The following CDC14A variants were observed in gnomAD, a reference collection of about 807,000 sequenced individuals.
CDC14A encodes cell division cycle 14A.
CDC14A carries 53 observed loss-of-function variants against 74.4 expected under a neutral mutation model. That is an observed-to-expected ratio of 0.71 (90% confidence interval 0.57 to 0.89). The LOEUF (loss-of-function observed/expected upper bound fraction) is 0.89, where lower values mean the gene tolerates loss of function less well. CDC14A is among the 40% of genes least tolerant of loss of function. CDC14A has a pLI of 0.00. For missense variants in CDC14A, 646 were observed against 713.7 expected, an observed-to-expected ratio of 0.91 and a Z score of 1.08; for synonymous variants, 247 against 258.4, an observed-to-expected ratio of 0.96 and a Z score of 0.43.
intron 6 of CDC14A, among the ~76,000 whole-genome samples, chr1:100,441,558 T>G (rs1379114909): frequency 1.8e-4 from 27 of 152,142 alleles, no homozygotes; most frequent in Admixed American, 1.8e-3. Flanking sequence ...GCAAACCCTT[T>G]GAAAATACAG....
intron 1 of CDC14A, 118 bp downstream of exon 1, chr1:100,353,121 T>G: frequency 2.8e-6 from 3 of 1,063,510 alleles, no homozygotes; most frequent in Non-Finnish European, 4.3e-6. Flanking sequence ...CTGCGCGCGC[T>G]CTCGTCCCCT....
At chr1:100,471,151 AG>A (rs1668358477) in intron 10 of CDC14A, among the ~76,000 whole-genome samples, 1 of 152,050 alleles carries the variant, frequency 6.6e-6, no homozygotes, top group Non-Finnish European at 1.5e-5. Context: ...TTATTGTAAG[AG>A]GAAAAAAAAA....
intron 2 of CDC14A, among the ~76,000 whole-genome samples, chr1:100,360,393 G>C (rs1314623249): frequency 6.6e-6 from 1 of 151,462 alleles, no homozygotes; most frequent in Non-Finnish European, 1.5e-5. Context: ...ACCCAGACTG[G>C]AGTGCAGTGG....
chr1:100,505,553 A>G (rs1649159801), intron 15 of CDC14A, among the ~76,000 whole-genome samples: 1 of 152,196 alleles, frequency 6.6e-6, no homozygotes, highest in Non-Finnish European at 1.5e-5. Flanking sequence ...GTTCATTTGT[A>G]CTTTGGGATA....
intron 2 of CDC14A, among the ~76,000 whole-genome samples, chr1:100,369,018 C>T (rs1385848224): frequency 6.6e-6 from 1 of 151,484 alleles, no homozygotes; most frequent in Non-Finnish European, 1.5e-5. Context: ...AACTGCTTTT[C>T]ACAGTGGCTG....
At chr1:100,497,953 C>T (rs538015272) in intron 13 of CDC14A, 132 bp from the exon 14 acceptor site, 30 of 871,568 alleles carry the variant, frequency 3.4e-5, no homozygotes, top group South Asian at 2.5e-4. Context: ...TGGTGGCTGC[C>T]GCTGCTGTCA....
At chr1:100,400,413 A>G (rs539103844) in intron 4 of CDC14A, among the ~76,000 whole-genome samples, 2 of 152,316 alleles carry the variant, frequency 1.3e-5, no homozygotes, top group Admixed American at 1.3e-4. Flanking sequence ...AACCAATAAT[A>G]TATTAGATGT....
rs923958117 is a variant in CDC14A, at chr1:100,508,285, G to C, written c.1755+9023G>C. 6.6e-6 allele frequency among the ~76,000 whole-genome samples: 1 copy of C among 151,166 alleles called. No individual in the cohort carries two copies. Among genetic ancestry groups the C allele is most frequent in the African/African-American group, 2.4e-5 (1 of 41,180 alleles). ...CTTCTTATTCTTTTTATATGTGTGT[G>C]TATATATATAGATATATATATATAT... On this transcript the variant is annotated intron_variant, in intron 15 of 15. Transcript: ENST00000336454. The surrounding 1 kb of genome is among the most constrained non-coding windows in gnomAD (Gnocchi z 4.4).
At chr1:100,413,750 C>G (rs1475466858) in intron 4 of CDC14A, among the ~76,000 whole-genome samples, 1 of 152,170 alleles carries the variant, frequency 6.6e-6, no homozygotes, top group Non-Finnish European at 1.5e-5. Flanking sequence ...AGAAAATTTC[C>G]TCTCATATTT....
chr1:100,364,311 G>A (rs913526027), intron 2 of CDC14A, among the ~76,000 whole-genome samples: 3 of 148,382 alleles, frequency 2.0e-5, no homozygotes, highest in East Asian at 1.9e-4. Context: ...AGGTTCAAGC[G>A]ATTCTCTTGC....
intron 7 of CDC14A, among the ~76,000 whole-genome samples, chr1:100,444,648 C>T (rs1665332297): frequency 6.6e-6 from 1 of 152,192 alleles, no homozygotes; most frequent in African/African-American, 2.4e-5. Context: ...CCCGCTCCTC[C>T]ATTTCGTTTG....
chr1:100,449,645 G>A (rs1465954796), intron 7 of CDC14A, among the ~76,000 whole-genome samples: 1 of 152,192 alleles, frequency 6.6e-6, no homozygotes, highest in Non-Finnish European at 1.5e-5. Flanking sequence ...GTAGCCTTGT[G>A]TGGTACTCTG....
chr1:100,358,566 A>T (rs1303083665), intron 2 of CDC14A, among the ~76,000 whole-genome samples: 1 of 152,226 alleles, frequency 6.6e-6, no homozygotes, highest in Non-Finnish European at 1.5e-5. Flanking sequence ...CTAGGGACTG[A>T]ATTTTAAGCA....
At chr1:100,461,339 A>G (rs1422280226) in intron 8 of CDC14A, among the ~76,000 whole-genome samples, 1 of 152,218 alleles carries the variant, frequency 6.6e-6, no homozygotes, top group Non-Finnish European at 1.5e-5. Context: ...CACAGAGCAT[A>G]AGAGTCGGCT....
intron 15 of CDC14A, among the ~76,000 whole-genome samples, chr1:100,513,968 C>T (rs1328390840): frequency 6.6e-6 from 1 of 152,076 alleles, no homozygotes; most frequent in South Asian, 2.1e-4. Flanking sequence ...TTGAATATTG[C>T]TACATTATTA....
intron 3 of CDC14A, chr1:100,383,450 A>G (rs1404419806): frequency 1.3e-5 from 2 of 152,598 alleles, no homozygotes; most frequent in South Asian, 2.1e-4. Flanking sequence ...CATAAACCAT[A>G]TTTTGTTTTG....
intron 4 of CDC14A, among the ~76,000 whole-genome samples, chr1:100,421,080 A>G (rs1662310244): frequency 6.6e-6 from 1 of 152,160 alleles, no homozygotes; most frequent in Non-Finnish European, 1.5e-5. Flanking sequence ...TCGTGCATGT[A>G]CCACCCACTA....
chr1:100,362,772 C>T (rs1652935162), intron 2 of CDC14A, among the ~76,000 whole-genome samples: 1 of 152,220 alleles, frequency 6.6e-6, no homozygotes, highest in Non-Finnish European at 1.5e-5. Flanking sequence ...AAATATGTAA[C>T]ATCCCCAGTT....
chr1:100,396,064 T>G (rs180694550), intron 4 of CDC14A, among the ~76,000 whole-genome samples: 1 of 152,394 alleles, frequency 6.6e-6, no homozygotes, highest in African/African-American at 2.4e-5. Context: ...ATTTACTTGC[T>G]TATTATCTCT....
Sources: allele counts gnomAD v4.1 joint callset (sites outside exome capture counted in the v4.1 genomes callset), GRCh38; gene constraint gnomAD v4.1.1; non-coding constraint Gnocchi (gnomAD v3.1); transcripts MANE v1.5; gene names NCBI Gene and HGNC (gene_info 2026-07-23, HGNC 2026-07-21).